Variants in TOGARAM2 observed in about 807,000 individuals in gnomAD.
TOGARAM2 encodes TOG array regulator of axonemal microtubules 2.
TOGARAM2 carries 85 observed loss-of-function variants against 93.3 expected under a neutral mutation model. That is an observed-to-expected ratio of 0.91 (90% CI 0.76 to 1.09). The LOEUF (loss-of-function observed/expected upper bound fraction) is 1.09. Ranked by LOEUF, TOGARAM2 falls within the 50% of genes least tolerant of loss-of-function variation. The probability of loss-of-function intolerance (pLI) is 0.00; values close to 1 mark genes in which losing one functional copy is unlikely to be tolerated. For missense variants in TOGARAM2, 1,277 were observed against 1,334.5 expected, an observed-to-expected ratio of 0.96 and a Z score of 0.67; for synonymous variants, 593 against 552.8, an observed-to-expected ratio of 1.07 and a Z score of -1.02.
At chr2:28,971,393 G>A (rs912580158) in intron 1 of TOGARAM2, among the ~76,000 whole-genome samples, 3 of 151,896 alleles carry the variant, frequency 2.0e-5, no homozygotes, top group Non-Finnish European at 4.4e-5. Flanking sequence ...TAGATTTTTT[G>A]TAGAGATGGG....
At chr2:29,024,107 G>A in intron 12 of TOGARAM2, 32 bp from the exon 13 acceptor site, 1 of 1,540,690 alleles carries the variant, frequency 6.5e-7, no homozygotes, top group Non-Finnish European at 8.8e-7. Flanking sequence ...GCAGGGTCCA[G>A]CACCCTGGAG....
upstream of TOGARAM2, among the ~76,000 whole-genome samples, chr2:28,979,061 T>A (rs1672075629): frequency 1.3e-5 from 2 of 152,136 alleles, no homozygotes; most frequent in Admixed American, 1.3e-4. Flanking sequence ...CTTTCTGAGG[T>A]CTCTTCAGGG....
chr2:28,989,338 G>A (rs1438058040), intron 1 of TOGARAM2, among the ~76,000 whole-genome samples: 1 of 149,374 alleles, frequency 6.7e-6, no homozygotes, highest in Non-Finnish European at 1.5e-5. Context: ...GGTGTAAGCC[G>A]CCATACCGGG....
At chr2:28,996,488 T>C (rs1431959656) in intron 2 of TOGARAM2, among the ~76,000 whole-genome samples, 3 of 152,000 alleles carry the variant, frequency 2.0e-5, no homozygotes, top group Non-Finnish European at 4.4e-5. Flanking sequence ...TGAAAACAAG[T>C]AGAATTTGTC....
At chr2:28,962,221 G>T (rs1253002367) in intron 1 of TOGARAM2, among the ~76,000 whole-genome samples, 1 of 151,254 alleles carries the variant, frequency 6.6e-6, no homozygotes, top group African/African-American at 2.4e-5. Context: ...TGTCACCCAG[G>T]CTGGAGTGCA....
intron 6 of TOGARAM2, among the ~76,000 whole-genome samples, chr2:29,007,912 A>AC (rs1663982832): frequency 6.6e-6 from 1 of 151,306 alleles, no homozygotes; most frequent in Admixed American, 6.6e-5. Context: ...CATCTCTGCA[A>AC]CCCCAACAGC....
chr2:29,048,674 CTTCCTT>C (rs1224267189), intron 19 of TOGARAM2: 2 of 142,394 alleles, frequency 1.4e-5, no homozygotes, highest in Non-Finnish European at 3.0e-5. Flanking sequence ...TCAGAATTTC[CTTCCTT>C]TTTTTTTTTT....
chr2:28,958,654 G>A (rs966309058), intron 1 of TOGARAM2, among the ~76,000 whole-genome samples: 2 of 152,110 alleles, frequency 1.3e-5, no homozygotes, highest in Admixed American at 6.5e-5. Context: ...GCTTTTTGCT[G>A]TTCCTTGGAT....
intron 18 of TOGARAM2, 84 bp downstream of exon 18, chr2:29,036,841 G>T (rs934151459): frequency 3.6e-6 from 5 of 1,382,644 alleles, no homozygotes; most frequent in African/African-American, 1.4e-5. Context: ...ATAAGGCCTT[G>T]GTTGGTTCCC....
intron 6 of TOGARAM2, among the ~76,000 whole-genome samples, chr2:29,009,455 C>T (rs1048540170): frequency 1.4e-4 from 13 of 91,136 alleles, no homozygotes; most frequent in Admixed American, 2.4e-4. Context: ...GGGGCTGCTG[C>T]AGGAATCCGG....
In TOGARAM2 at chr2:28,994,876, T is replaced by C. The variant is rs1267605531; in HGVS notation, c.28+14T>C. 17 of 1,551,610 alleles carry C rather than the reference T, an allele frequency of 1.1e-5. No homozygotes were observed. Among genetic ancestry groups the C allele is most frequent in the Non-Finnish European group, 1.5e-5 (17 of 1,147,028 alleles). ...ATGTCCCCGAAGGTAAGGGGCACCA[T>C]GGGAGGCCTGCTGCTGGTGTTTTCC... On this transcript the variant is annotated intron_variant, in intron 2 of 19. Coordinates refer to ENST00000379558, the MANE Select transcript of TOGARAM2 (RefSeq NM_199280.4).
intron 16 of TOGARAM2, among the ~76,000 whole-genome samples, chr2:29,035,044 G>T (rs1258807455): frequency 6.6e-6 from 1 of 151,878 alleles, no homozygotes; most frequent in African/African-American, 2.4e-5. Context: ...AAGCTACTTG[G>T]GAGGCCGAGG....
intron 10 of TOGARAM2, 179 bp downstream of exon 10, chr2:29,018,135 T>A: frequency 1.5e-6 from 1 of 672,610 alleles, no homozygotes; most frequent in South Asian, 2.1e-5. Flanking sequence ...CAGGGACTCA[T>A]CATTGTCTAC....
At chr2:29,012,250 G>A (rs770491978) in intron 7 of TOGARAM2, among the ~76,000 whole-genome samples, 7 of 152,188 alleles carry the variant, frequency 4.6e-5, no homozygotes, top group African/African-American at 9.7e-5. Flanking sequence ...TCTACTGCCC[G>A]GCAGGAGGGG....
At chr2:28,990,496 C>T (rs543263287) in intron 1 of TOGARAM2, among the ~76,000 whole-genome samples, 2 of 152,352 alleles carry the variant, frequency 1.3e-5, no homozygotes, top group South Asian at 4.1e-4. Flanking sequence ...ATCCTCTTGC[C>T]AGACCCCAGA....
intron 6 of TOGARAM2, among the ~76,000 whole-genome samples, chr2:29,007,004 T>C (rs920625555): frequency 6.6e-6 from 1 of 152,216 alleles, no homozygotes; most frequent in Admixed American, 6.5e-5. Flanking sequence ...ATCCTGACTT[T>C]ATACCTGCTT....
At chr2:28,973,441 C>CCTTTCCTTCCTTCCCTTCCCCTT (rs1558394769) in intron 1 of TOGARAM2, among the ~76,000 whole-genome samples, 1 of 39,070 alleles carries the variant, frequency 2.6e-5, no homozygotes, top group Admixed American at 3.4e-4. Flanking sequence ...CCTTCCCTTC[C>CCTTTCCTTCCTTCCCTTCCCCTT]CCTTCCTTCC....
At chr2:28,960,498 G>A (rs186154067) in intron 1 of TOGARAM2, among the ~76,000 whole-genome samples, 7 of 152,216 alleles carry the variant, frequency 4.6e-5, no homozygotes, top group African/African-American at 1.7e-4. Context: ...CTCACTCACT[G>A]GGTTTGTTTG....
rs1352790948 is a variant in TOGARAM2 at position 29,036,741 on chromosome 2, G to A, written c.2619G>A (p.Ala873=). The A allele has an allele frequency of 8.7e-6, 14 of 1,613,080 alleles. No individual in the cohort carries two copies. Among genetic ancestry groups the A allele is most frequent in the Non-Finnish European group, 1.1e-5 (13 of 1,179,520 alleles). Residue 873 remains alanine, a synonymous_variant, in exon 18 of 20, where the codon GCG becomes GCA. Coordinates refer to ENST00000379558, the MANE Select transcript of TOGARAM2 (RefSeq NM_199280.4). Reference sequence around the variant, plus strand: ...CTGCTGCCGTGGCTGTGCTGGATGCGATGGTTGAGAGCCTGGGTGAGTGTC... The same window carrying A: ...CTGCTGCCGTGGCTGTGCTGGATGCAATGGTTGAGAGCCTGGGTGAGTGTC... ...IYAAAVAVLD[A]MVESLDNLCL... is the part of the protein sequence containing the mutation.
Sources: allele counts gnomAD v4.1 joint callset (sites outside exome capture counted in the v4.1 genomes callset), GRCh38; gene constraint gnomAD v4.1.1; transcripts MANE v1.5; gene names NCBI Gene and HGNC (gene_info 2026-07-23, HGNC 2026-07-21).